The following ENTPD1 variants were observed in gnomAD, a reference collection of about 807,000 sequenced individuals.
The protein encoded by ENTPD1 is ATP diphosphohydrolase.
In ENTPD1, 33 loss-of-function variants were observed where a neutral mutation model predicts 57.0. The observed-to-expected ratio is 0.58, with a 90% CI of 0.44 to 0.77. The LOEUF is 0.77. ENTPD1 is among the 30% of genes least tolerant of loss of function. ENTPD1 has a pLI of 0.00. For synonymous variants in ENTPD1, 202 were observed against 218.8 expected (o/e 0.92, Z 0.68); for missense variants, 501 against 603.4 (o/e 0.83, Z 1.78).
the ENTPD1 span, among the ~76,000 whole-genome samples, chr10:95,694,799 TG>T: frequency 6.6e-6 from 1 of 151,932 alleles, no homozygotes; most frequent in East Asian, 1.9e-4. Flanking sequence ...CCTTCGGTAT[TG>T]GAAATGTACC....
intron 6 of ENTPD1, 77 bp downstream of exon 6, chr10:95,845,673 A>G: frequency 6.2e-7 from 1 of 1,613,226 alleles, no homozygotes; most frequent in Admixed American, 1.7e-5. Flanking sequence ...TTTCTGTTTC[A>G]AATTCAGTAG....
chr10:95,713,604 T>C (rs1314658189), intron 1 of ENTPD1, among the ~76,000 whole-genome samples: 1 of 152,264 alleles, frequency 6.6e-6, no homozygotes, highest in East Asian at 1.9e-4. Flanking sequence ...TTTGATTCCT[T>C]GTCAGAGAAT....
At chr10:95,794,721 G>A (rs549532068) in intron 1 of ENTPD1, among the ~76,000 whole-genome samples, 1 of 152,260 alleles carries the variant, frequency 6.6e-6, no homozygotes, top group East Asian at 1.9e-4. Context: ...TTCAGGGTAG[G>A]GTTTTCTGAG....
chr10:95,778,774 CTTT>C (rs1169481939), intron 1 of ENTPD1, among the ~76,000 whole-genome samples: 2 of 151,904 alleles, frequency 1.3e-5, no homozygotes, highest in Non-Finnish European at 2.9e-5. Context: ...ATGTTTTCTT[CTTT>C]GTTTCCTCTG....
intron 1 of ENTPD1, among the ~76,000 whole-genome samples, chr10:95,804,202 A>G (rs2098262696): frequency 6.6e-6 from 1 of 152,206 alleles, no homozygotes; most frequent in South Asian, 2.1e-4. Context: ...TTTTGGTTCC[A>G]TAGGAGCTTT....
chr10:95,846,134 G>A (rs2098435185), intron 6 of ENTPD1: 1 of 166,632 alleles, frequency 6.0e-6, no homozygotes, highest in Non-Finnish European at 1.3e-5. Flanking sequence ...TTGGGAGGCT[G>A]AGGTGGGTGG....
chr10:95,845,199 C>T (rs926627217), intron 5 of ENTPD1, among the ~76,000 whole-genome samples, 158 bp from the exon 6 acceptor site: 1 of 152,192 alleles, frequency 6.6e-6, no homozygotes, highest in African/African-American at 2.4e-5. Flanking sequence ...CCCCTCTTTT[C>T]TTGCTGATAA....
rs567813526 is a variant in ENTPD1, at chr10:95,805,653, G to A, written c.17-17584G>A. ...CTGGTTGTTCCTTTCCATGTTTAGT[G>A]CTTCCTTCAGGAGCTCTTGTAAGGC... On this transcript the variant is annotated intron_variant, in intron 1 of 9. Transcript: ENST00000371205. Among the ~76,000 whole-genome samples the A allele has an allele frequency of 4.6e-5, 7 of 152,266 alleles. No individual in the cohort carries two copies. The South Asian group carries it at 1.5e-3, about 32-fold the overall frequency.
At chr10:95,700,242 G>A in the ENTPD1 span, among the ~76,000 whole-genome samples, 1 of 151,804 alleles carries the variant, frequency 6.6e-6, no homozygotes, top group East Asian at 1.9e-4. Context: ...AATTTTGGAA[G>A]ATAAATATAA....
At chr10:95,757,413 AG>A (rs2139944114) in intron 1 of ENTPD1, among the ~76,000 whole-genome samples, 1 of 116,966 alleles carries the variant, frequency 8.5e-6, no homozygotes, top group South Asian at 2.8e-4. Flanking sequence ...GGTCTGAGGC[AG>A]GGCTGGTGGG....
chr10:95,863,687 A>T (rs2098469212), intron 8 of ENTPD1, among the ~76,000 whole-genome samples: 2 of 152,224 alleles, frequency 1.3e-5, no homozygotes, highest in Admixed American at 1.3e-4. Context: ...TAGGATTTGC[A>T]TATGGGTTAG....
chr10:95,706,629 C>A, the ENTPD1 span, among the ~76,000 whole-genome samples: 2 of 152,216 alleles, frequency 1.3e-5, no homozygotes, highest in African/African-American at 4.8e-5. Flanking sequence ...CTCTTCTTTG[C>A]AGCTTGTTGT....
At chr10:95,730,392 T>A (rs921034827) in intron 1 of ENTPD1, among the ~76,000 whole-genome samples, 1 of 152,152 alleles carries the variant, frequency 6.6e-6, no homozygotes, top group African/African-American at 2.4e-5. Flanking sequence ...ACCATTTGGC[T>A]TATATTTCTA....
chr10:95,779,737 C>G (rs1472960129), intron 1 of ENTPD1, among the ~76,000 whole-genome samples: 1 of 151,856 alleles, frequency 6.6e-6, no homozygotes, highest in Non-Finnish European at 1.5e-5. Flanking sequence ...AGCTATTAAG[C>G]CCAAGTGGAG....
At chr10:95,755,415 A>C, upstream of ENTPD1, 2 of 373,178 alleles carry the variant, frequency 5.4e-6, no homozygotes, top group Non-Finnish European at 9.6e-6. Context: ...TTTGTTACAC[A>C]GTTTAAAAAT....
chr10:95,792,186 G>A (rs988358186), intron 1 of ENTPD1, among the ~76,000 whole-genome samples: 4 of 152,106 alleles, frequency 2.6e-5, no homozygotes, highest in African/African-American at 9.7e-5. Flanking sequence ...GGGACTGAGA[G>A]GTTTCTTGGG....
intron 1 of ENTPD1, among the ~76,000 whole-genome samples, chr10:95,727,075 C>A (rs2097984459): frequency 6.6e-6 from 1 of 152,054 alleles, no homozygotes; most frequent in African/African-American, 2.4e-5. Context: ...GATGAAATGC[C>A]AATTTGTCCC....
At chr10:95,727,827 G>A (rs1350305248) in intron 1 of ENTPD1, among the ~76,000 whole-genome samples, 4 of 152,094 alleles carry the variant, frequency 2.6e-5, no homozygotes, top group Non-Finnish European at 5.9e-5. Flanking sequence ...CTACCTAAAT[G>A]GTTACTCCTA....
At chr10:95,723,715 C>T (rs1424821614) in intron 1 of ENTPD1, among the ~76,000 whole-genome samples, 1 of 152,164 alleles carries the variant, frequency 6.6e-6, no homozygotes, top group Non-Finnish European at 1.5e-5. Flanking sequence ...AGACTTCTGG[C>T]TGTGCCATGA....
Sources: gnomAD v4.1 joint callset for allele counts (sites outside exome capture counted in the v4.1 genomes callset) on GRCh38, gnomAD v4.1.1 for gene constraint, MANE v1.5 for transcripts, NCBI Gene and HGNC (gene_info 2026-07-23, HGNC 2026-07-21) for gene names.